PTGES: variants seen among roughly 807,000 people sequenced by gnomAD.
PTGES encodes the protein MGST1-like 1.
In PTGES, 3 loss-of-function variants were observed where a neutral mutation model predicts 11.8. The ratio of observed to expected loss-of-function variants is 0.25; its 90% CI spans 0.12 to 0.66. The LOEUF (loss-of-function observed/expected upper bound fraction) is 0.66, where lower values mean the gene tolerates loss of function less well. Among genes scored for constraint, PTGES ranks in the 30% least tolerant of loss-of-function variants. The pLI, the probability that PTGES is intolerant of heterozygous loss-of-function variation, is 0.82. For missense variants in PTGES, 180 were observed against 213.0 expected (o/e 0.85, Z 0.96); for synonymous variants, 94 against 90.4 (o/e 1.04, Z -0.22).
At chr9:129,743,211 C>G (rs1254919557) in intron 2 of PTGES, among the ~76,000 whole-genome samples, 1 of 152,136 alleles carries the variant, frequency 6.6e-6, no homozygotes, top group African/African-American at 2.4e-5. Flanking sequence ...CCCAGCCCTC[C>G]CTCACTCGTC....
chr9:129,752,671 G>A (rs553584775), intron 1 of PTGES, among the ~76,000 whole-genome samples: 3 of 152,350 alleles, frequency 2.0e-5, no homozygotes, highest in South Asian at 2.1e-4. Context: ...CCGGTGGCAC[G>A]GCAAGCGAGT....
At chr9:129,744,047 C>T (rs2130951516) in intron 2 of PTGES, among the ~76,000 whole-genome samples, 1 of 152,270 alleles carries the variant, frequency 6.6e-6, no homozygotes, top group East Asian at 1.9e-4. Context: ...CAGGGTTTTG[C>T]CATGTTGGCC....
chr9:129,750,574 T>A (rs1833093103), intron 1 of PTGES, among the ~76,000 whole-genome samples: 1 of 152,214 alleles, frequency 6.6e-6, no homozygotes, highest in Non-Finnish European at 1.5e-5. Context: ...CCAGCTGCAG[T>A]GCAGGCCAGG....
At chr9:129,740,086 G>A (rs748096561) in intron 2 of PTGES, among the ~76,000 whole-genome samples, 1 of 152,008 alleles carries the variant, frequency 6.6e-6, no homozygotes. Context: ...GCGAGGCCAC[G>A]TCATGGGCTG....
rs1449540217 is a variant in PTGES at position 129,738,588 on chromosome 9, A to G, written c.*1023T>C. 6.6e-6 allele frequency: 1 copy of G among 152,284 alleles called. No individual in the cohort carries two copies. The highest frequency in any genetic ancestry group is 2.4e-5 in the African/African-American group (1 of 41,448). The allele number at this position is 152,284 out of a possible 1,614,324, so 9.4% of individuals were successfully genotyped here. ...ACCCACTGCCCTTTGGAGGGACTCA[A>G]ACCTTGGGAGGAGAAGGCTGAGCTT... On this transcript the variant is annotated 3_prime_UTR_variant, in exon 3 of 3. Coordinates refer to ENST00000340607, the MANE Select transcript of PTGES (RefSeq NM_004878.5). This position sits in a 1 kb window ranked among gnomAD's most constrained non-coding sequence, Gnocchi z 4.2.
chr9:129,751,014 C>G (rs897010437), intron 1 of PTGES, among the ~76,000 whole-genome samples: 1 of 152,170 alleles, frequency 6.6e-6, no homozygotes, highest in Non-Finnish European at 1.5e-5. Context: ...CACCTCCTCC[C>G]TTCCCCGAAT....
rs561984491 is a variant in PTGES at position 129,739,421 on chromosome 9, T to TACACAC, written c.*184_*189dup. ...CAGGAATCCAAGGGGCTAAGAAACA[T>TACACAC]ACACACACACATACACACACACGGG... On this transcript the variant is annotated 3_prime_UTR_variant, in exon 3 of 3. Coordinates refer to ENST00000340607, the MANE Select transcript of PTGES (RefSeq NM_004878.5). This position sits in a 1 kb window ranked among gnomAD's most constrained non-coding sequence, Gnocchi z 5.7. 1.9e-4 allele frequency: 119 copies of TACACAC among 632,586 alleles called. No individual in the cohort carries two copies. Among genetic ancestry groups the TACACAC allele is most frequent in the Middle Eastern group, 9.2e-4 (2 of 2,168 alleles). 39.2% of individuals were successfully genotyped at this position (632,586 alleles called of 1,614,324 possible).
At chr9:129,750,424 A>G (rs1406854118) in intron 1 of PTGES, among the ~76,000 whole-genome samples, 1 of 152,122 alleles carries the variant, frequency 6.6e-6, no homozygotes, top group African/African-American at 2.4e-5. Context: ...TGAATCACCA[A>G]CACCGAAGGC....
intron 2 of PTGES, among the ~76,000 whole-genome samples, chr9:129,742,218 C>G (rs751546913): frequency 6.7e-6 from 1 of 150,110 alleles, no homozygotes; most frequent in Non-Finnish European, 1.5e-5. Context: ...CCCAGCTACT[C>G]AGGAGGCTGA....
intron 1 of PTGES, among the ~76,000 whole-genome samples, chr9:129,752,387 C>T (rs563985900): frequency 6.6e-6 from 1 of 152,308 alleles, no homozygotes; most frequent in African/African-American, 2.4e-5. Context: ...GGAAATTCCT[C>T]GCTGAGCACC....
rs927242502 is a variant in PTGES, at chr9:129,739,930, A to G, written c.210-70T>C. On this transcript the variant is annotated intron_variant, in intron 2 of 2. Coordinates refer to ENST00000340607, the MANE Select transcript of PTGES (RefSeq NM_004878.5). The surrounding 1 kb of genome is among the most constrained non-coding windows in gnomAD (Gnocchi z 5.7). ...GGCCATAGGCCCTTTTGAGAGTGTC[A>G]TGGAAGCTGGGGGTGCTTTGACCCA... is the stretch of plus-strand genomic sequence containing the variant. 8.7e-6 allele frequency: 13 copies of G among 1,502,080 alleles called. No homozygotes were observed. Among genetic ancestry groups the G allele is most frequent in the Non-Finnish European group, 1.2e-5 (13 of 1,121,104 alleles). 93.0% of individuals were successfully genotyped at this position (1,502,080 alleles called of 1,614,324 possible). A position where few individuals can be genotyped will look rare whatever the true frequency, so the allele number is the denominator to read the frequency against.
At chr9:129,750,625 G>T (rs1833093596) in intron 1 of PTGES, among the ~76,000 whole-genome samples, 1 of 152,216 alleles carries the variant, frequency 6.6e-6, no homozygotes, top group South Asian at 2.1e-4. Context: ...CCTTAGCTGG[G>T]GTGGAGGCCA....
intron 1 of PTGES, among the ~76,000 whole-genome samples, chr9:129,749,988 A>C (rs1833087641): frequency 6.6e-6 from 1 of 152,212 alleles, no homozygotes; most frequent in Non-Finnish European, 1.5e-5. Context: ...GAACTCTGAA[A>C]ACTCAGGAGA....
At chr9:129,747,657 G>A (rs1207639306) in intron 2 of PTGES, among the ~76,000 whole-genome samples, 1 of 152,058 alleles carries the variant, frequency 6.6e-6, no homozygotes, top group Non-Finnish European at 1.5e-5. Flanking sequence ...CACCAGTAGT[G>A]GGACATGATT....
intron 2 of PTGES, among the ~76,000 whole-genome samples, chr9:129,746,790 C>T (rs997597786): frequency 6.6e-6 from 1 of 152,236 alleles, no homozygotes; most frequent in African/African-American, 2.4e-5. Flanking sequence ...GCCATCGCCT[C>T]ACTCTCCAGC....
chr9:129,750,882 C>T (rs566003480), intron 1 of PTGES, among the ~76,000 whole-genome samples: 1 of 152,248 alleles, frequency 6.6e-6, no homozygotes, highest in East Asian at 1.9e-4. Context: ...ATACTTAGCG[C>T]CCAGAGCAGA....
chr9:129,744,114 G>C (rs899955190), intron 2 of PTGES, among the ~76,000 whole-genome samples: 1 of 152,132 alleles, frequency 6.6e-6, no homozygotes, highest in African/African-American at 2.4e-5. Flanking sequence ...CTCCCAAAGT[G>C]CAGGGATTAC....
At chr9:129,752,610 C>T (rs2241270) in intron 1 of PTGES, among the ~76,000 whole-genome samples, 25,674 of 152,286 alleles carry the variant, frequency 0.17, 2,651 homozygotes, top group African/African-American at 0.29. Flanking sequence ...CCCTCCAGAA[C>T]CTGCTTCTCT....
At chr9:129,748,781 C>T in intron 1 of PTGES, 44 bp from the exon 2 acceptor site, 1 of 1,492,344 alleles carries the variant, frequency 6.7e-7, no homozygotes, top group Admixed American at 1.9e-5. Context: ...AGACAAACGG[C>T]CCAGTCACCT....
Sources: allele counts gnomAD v4.1 joint callset (sites outside exome capture counted in the v4.1 genomes callset), GRCh38; gene constraint gnomAD v4.1.1; non-coding constraint Gnocchi (gnomAD v3.1); transcripts MANE v1.5; gene names NCBI Gene and HGNC (gene_info 2026-07-23, HGNC 2026-07-21).